Variants in RSPH14 observed in about 807,000 individuals in gnomAD.
The protein encoded by RSPH14 is radial spoke head 14 homolog, also known as rhabdoid tumor deletion region gene 1.
A neutral mutation model predicts 26.7 loss-of-function variants in RSPH14; 20 were observed. The ratio of observed to expected loss-of-function variants is 0.75; its 90% CI spans 0.53 to 1.09. The LOEUF is 1.09. Among genes scored for constraint, RSPH14 ranks in the 50% least tolerant of loss-of-function variants. The probability of loss-of-function intolerance (pLI) is 0.00; values close to 1 mark genes in which losing one functional copy is unlikely to be tolerated. For synonymous variants in RSPH14, 177 were observed against 189.3 expected (o/e 0.93, Z 0.53); for missense variants, 449 against 457.2 (o/e 0.98, Z 0.16).
At chr22:23,108,944 G>A (rs867522246) in intron 4 of RSPH14, among the ~76,000 whole-genome samples, 22 of 152,218 alleles carry the variant, frequency 1.4e-4, no homozygotes, top group African/African-American at 5.1e-4. Context: ...CTTAGGAATT[G>A]TCTGAGGGTG....
intron 4 of RSPH14, among the ~76,000 whole-genome samples, chr22:23,072,422 A>G (rs1299919208): frequency 6.6e-6 from 1 of 152,040 alleles, no homozygotes; most frequent in Non-Finnish European, 1.5e-5. Flanking sequence ...TGTTCCTCTA[A>G]CTGACGTTGA....
chr22:23,166,597 C>A, the RSPH14 span, among the ~76,000 whole-genome samples: 2 of 152,140 alleles, frequency 1.3e-5, no homozygotes, highest in South Asian at 2.1e-4. Context: ...CTTTACAATT[C>A]CCTTACCGTC....
intron 4 of RSPH14, among the ~76,000 whole-genome samples, chr22:23,068,268 C>T (rs1247397572): frequency 1.3e-5 from 2 of 152,232 alleles, no homozygotes; most frequent in Non-Finnish European, 2.9e-5. Flanking sequence ...GCATCTCTTC[C>T]TTTGGGAAGC....
chr22:23,133,970 G>A (rs770645806), intron 4 of RSPH14, 56 bp downstream of exon 4: 2 of 1,240,396 alleles, frequency 1.6e-6, no homozygotes, highest in Admixed American at 1.7e-5. Flanking sequence ...ACCTGGAGAG[G>A]AGACCGACGG....
chr22:23,129,221 G>A (rs183348769), intron 4 of RSPH14, among the ~76,000 whole-genome samples: 10 of 152,266 alleles, frequency 6.6e-5, no homozygotes, highest in South Asian at 2.1e-4. Flanking sequence ...TCTCCTGGGC[G>A]TCTGCCACAT....
the RSPH14 span, among the ~76,000 whole-genome samples, chr22:23,174,194 T>C: frequency 1.3e-5 from 2 of 152,062 alleles, no homozygotes; most frequent in Non-Finnish European, 2.9e-5. Context: ...TAGGAACCAC[T>C]TGGGCTGCTG....
chr22:23,095,943 G>A, intron 4 of RSPH14: 5 of 1,612,576 alleles, frequency 3.1e-6, no homozygotes, highest in South Asian at 1.1e-5. Context: ...TCGCTGACCC[G>A]CATCATCCGG....
chr22:23,173,115 C>G, the RSPH14 span, among the ~76,000 whole-genome samples: 1 of 151,974 alleles, frequency 6.6e-6, no homozygotes, highest in Non-Finnish European at 1.5e-5. Context: ...TCTGGATGTA[C>G]CACAGTTTCT....
chr22:23,166,063 T>C, the RSPH14 span, among the ~76,000 whole-genome samples: 1 of 146,884 alleles, frequency 6.8e-6, no homozygotes, highest in African/African-American at 2.6e-5. Context: ...GGAGAATCAC[T>C]TGAACCTGGG....
At position 23,059,864 on chromosome 22, in the gene RSPH14, C is replaced by T. The variant is rs998163042; in HGVS notation, c.791-146G>A. On this transcript the variant is annotated intron_variant, in intron 6 of 6. Coordinates refer to ENST00000216036, the MANE Select transcript of RSPH14 (RefSeq NM_014433.3). The stretch of plus-strand genomic sequence containing the variant: ...TATGCCCCACCAACATGCCCTCACC[C>T]TCAGGGCTCTTGCACCTTCGCTGAG... The T allele has an allele frequency of 1.3e-5, 11 of 874,984 alleles. No homozygotes were observed. The African/African-American group carries it at 1.9e-4, about 15-fold the overall frequency. 54.2% of individuals were successfully genotyped at this position (874,984 alleles called of 1,614,324 possible).
rs770415383 is a variant in RSPH14 at position 23,059,686 on chromosome 22, C to G, written c.823G>C (p.Gly275Arg). ...GAGTGCAGCAGCTCCAGGAGCAGGCCGATGGCTTGTGCCTCCAGGGCCGCA... is the reference window on the plus strand; with the variant it reads ...GAGTGCAGCAGCTCCAGGAGCAGGCGGATGGCTTGTGCCTCCAGGGCCGCA... ...KYAALEAQAIGLLLELLHSPM... is the reference protein window; with the variant it reads ...KYAALEAQAIRLLLELLHSPM... The change falls in exon 7 of 7, where the codon GGC becomes CGC. Residue 275 changes from glycine (G) to arginine (R), a missense_variant. Physicochemically the swap from Gly to Arg is moderately radical, Grantham distance 125. Transcript: ENST00000216036. The G allele has an allele frequency of 1.3e-6, 2 of 1,560,566 alleles. No homozygotes were observed. Among genetic ancestry groups the G allele is most frequent in the East Asian group, 4.5e-5 (2 of 44,264 alleles).
At chr22:23,077,636 G>T (rs906743478) in intron 4 of RSPH14, among the ~76,000 whole-genome samples, 19 of 152,176 alleles carry the variant, frequency 1.2e-4, no homozygotes, top group African/African-American at 4.6e-4. Context: ...ACTAAGGAGG[G>T]CTGAGGCATG....
At chr22:23,173,666 A>G in the RSPH14 span, among the ~76,000 whole-genome samples, 1 of 125,878 alleles carries the variant, frequency 7.9e-6, no homozygotes, top group Non-Finnish European at 1.6e-5. Flanking sequence ...GGGTCTCACT[A>G]TGGTGCCCAG....
At chr22:23,083,500 T>C (rs2068733656) in intron 4 of RSPH14, among the ~76,000 whole-genome samples, 1 of 152,152 alleles carries the variant, frequency 6.6e-6, no homozygotes, top group South Asian at 2.1e-4. Flanking sequence ...TGTTCCTCCA[T>C]CTATCCATCC....
At chr22:23,156,222 C>T in the RSPH14 span, 3 of 553,184 alleles carry the variant, frequency 5.4e-6, no homozygotes, top group Admixed American at 3.4e-5. Context: ...CTGACTTTGG[C>T]GATCACACCC....
At chr22:23,061,980 T>G in intron 5 of RSPH14, 35 bp from the exon 6 acceptor site, 1 of 1,612,366 alleles carries the variant, frequency 6.2e-7, no homozygotes, top group Non-Finnish European at 8.5e-7. Context: ...GGGCTCTGCT[T>G]GGAAGGGAGA....
At chr22:23,149,951 C>G (rs750687058), upstream of RSPH14, 22 of 814,042 alleles carry the variant, frequency 2.7e-5, no homozygotes, top group Non-Finnish European at 4.2e-5. Flanking sequence ...AGGCTGCCAG[C>G]TGTGAGGCCT....
At chr22:23,133,586 T>C (rs1278974086) in intron 4 of RSPH14, among the ~76,000 whole-genome samples, 1 of 152,144 alleles carries the variant, frequency 6.6e-6, no homozygotes, top group East Asian at 1.9e-4. Flanking sequence ...GCTTTTCTTT[T>C]TTCTTTCTTT....
chr22:23,063,360 C>T (rs1161012828), intron 5 of RSPH14, among the ~76,000 whole-genome samples: 17 of 152,174 alleles, frequency 1.1e-4, no homozygotes. Context: ...CCAGCCTGTC[C>T]TCGTGAAAAG....
Sources: gnomAD v4.1 joint callset for allele counts (sites outside exome capture counted in the v4.1 genomes callset) on GRCh38, gnomAD v4.1.1 for gene constraint, MANE v1.5 for transcripts, NCBI Gene and HGNC (gene_info 2026-07-23, HGNC 2026-07-21) for gene names.